Variants in AKT3 observed in about 807,000 individuals in gnomAD.
The protein encoded by AKT3 is AKT serine/threonine kinase 3.
AKT3 carries 15 observed loss-of-function variants against 65.3 expected under a neutral mutation model. The observed-to-expected ratio is 0.23, with a 90% confidence interval of 0.15 to 0.35. The LOEUF is 0.35. AKT3 is among the 10% of genes least tolerant of loss of function. AKT3 has a pLI of 1.00. For synonymous variants in AKT3, 206 were observed against 183.8 expected (o/e 1.12, Z -0.98); for missense variants, 243 against 576.5 (o/e 0.42, Z 5.92).
chr1:243,618,030 T>C (rs1678459858), intron 6 of AKT3, among the ~76,000 whole-genome samples: 1 of 152,176 alleles, frequency 6.6e-6, no homozygotes, highest in Non-Finnish European at 1.5e-5. Flanking sequence ...ATGTATGAAA[T>C]TTATTTAGAA....
intron 3 of AKT3, among the ~76,000 whole-genome samples, chr1:243,694,924 A>G (rs535009684): frequency 6.6e-6 from 1 of 151,996 alleles, no homozygotes; most frequent in South Asian, 2.1e-4. Flanking sequence ...GCGTAATTTA[A>G]AACACTTTAC....
chr1:243,757,674 G>A (rs1286232541), intron 2 of AKT3, among the ~76,000 whole-genome samples: 2 of 151,788 alleles, frequency 1.3e-5, no homozygotes, highest in African/African-American at 2.4e-5. Context: ...CTTTAAGTTT[G>A]AAATTATTTC....
intron 2 of AKT3, among the ~76,000 whole-genome samples, chr1:243,748,971 C>T (rs1688641557): frequency 6.6e-6 from 1 of 152,102 alleles, no homozygotes; most frequent in South Asian, 2.1e-4. Context: ...CAGGCCCTCA[C>T]ACACTGTTGC....
At chr1:243,767,314 T>A (rs1311365612) in intron 2 of AKT3, among the ~76,000 whole-genome samples, 2 of 152,128 alleles carry the variant, frequency 1.3e-5, no homozygotes, top group South Asian at 2.1e-4. Context: ...CCAGAAGGCA[T>A]AACAGAGTTA....
intron 3 of AKT3, among the ~76,000 whole-genome samples, chr1:243,665,404 A>C (rs898828596): frequency 6.6e-6 from 1 of 152,186 alleles, no homozygotes; most frequent in African/African-American, 2.4e-5. Context: ...AAAATGACAA[A>C]TATCACTTAT....
At chr1:243,814,354 A>G (rs1693377253) in intron 2 of AKT3, 1 of 151,390 alleles carries the variant, frequency 6.6e-6, no homozygotes, top group Non-Finnish European at 1.5e-5. Flanking sequence ...CTTTTACAAT[A>G]TAAATAAACT....
intron 3 of AKT3, among the ~76,000 whole-genome samples, chr1:243,692,278 C>T (rs1219812124): frequency 6.6e-6 from 1 of 152,080 alleles, no homozygotes; most frequent in Non-Finnish European, 1.5e-5. Flanking sequence ...GAGAGATGCC[C>T]ATACTATACC....
chr1:243,797,667 G>A (rs189517996), intron 2 of AKT3, among the ~76,000 whole-genome samples: 2 of 152,066 alleles, frequency 1.3e-5, no homozygotes, highest in African/African-American at 2.4e-5. Context: ...TTGATTGGAG[G>A]GTTAAACAGT....
At chr1:243,584,334 A>T (rs1266846588) in intron 8 of AKT3, among the ~76,000 whole-genome samples, 1 of 152,152 alleles carries the variant, frequency 6.6e-6, no homozygotes, top group Non-Finnish European at 1.5e-5. Flanking sequence ...AAACCTACCA[A>T]CCAAAAAAGT....
At chr1:243,689,608 T>G (rs181191555) in intron 3 of AKT3, among the ~76,000 whole-genome samples, 1 of 152,042 alleles carries the variant, frequency 6.6e-6, no homozygotes, top group African/African-American at 2.4e-5. Context: ...GTTAGTAGGT[T>G]TAAGTCCCAT....
chr1:243,786,545 T>C (rs1019839057), intron 2 of AKT3, among the ~76,000 whole-genome samples: 12 of 152,230 alleles, frequency 7.9e-5, no homozygotes, highest in Non-Finnish European at 1.5e-4. Context: ...TAATTCTGTT[T>C]ATACTTAAAT....
intron 13 of AKT3, among the ~76,000 whole-genome samples, chr1:243,493,908 A>C (rs1667183458): frequency 6.6e-6 from 1 of 151,868 alleles, no homozygotes; most frequent in Non-Finnish European, 1.5e-5. Context: ...GTTCTAGAAA[A>C]GTGACAGCTC....
In AKT3 at chr1:243,579,122, G is replaced by T. The variant is rs569004848; in HGVS notation, c.697-6074C>A. ...CAAGGGAGAAATCAACGATGTTGAG[G>T]TTTCTCTATGGCTGACTGAGTAGAT... On this transcript the variant is annotated intron_variant, in intron 8 of 13. Transcript: ENST00000673466. Among the ~76,000 whole-genome samples the T allele has an allele frequency of 5.3e-5, 8 of 152,296 alleles. No individual in the cohort carries two copies. The South Asian group carries it at 1.7e-3, about 32-fold the overall frequency.
At position 243,818,119 on chromosome 1, in the gene AKT3, A is replaced by C. The variant is rs1693637698; in HGVS notation, c.46+25006T>G. ...TGGATCACTCCCCTAACTTTCTAGA[A>C]AGTCAACCCCTGCTTAGTCTGCACT... On this transcript the variant is annotated intron_variant, in intron 2 of 13. Transcript: ENST00000673466. The C allele has an allele frequency of 1.3e-5, 2 of 152,232 alleles. 1 individual carries two copies. The highest frequency in any genetic ancestry group is 4.1e-4 in the South Asian group (2 of 4,834). The allele number at this position is 152,232 out of a possible 1,614,324, so 9.4% of individuals were successfully genotyped here.
chr1:243,770,734 G>GA (rs5782267), intron 2 of AKT3, among the ~76,000 whole-genome samples: 72,824 of 138,942 alleles, frequency 0.52, 20,709 homozygotes, highest in Non-Finnish European at 0.66. Flanking sequence ...ATTCTAAATA[G>GA]AAAAAAAAAA....
chr1:243,806,685 G>A lies in AKT3; in HGVS notation c.46+36440C>T, dbSNP rs1692748844. Among the ~76,000 whole-genome samples the A allele has an allele frequency of 2.0e-5, 3 of 152,026 alleles. No individual in the cohort carries two copies. The South Asian group carries it at 6.2e-4, about 32-fold the overall frequency. ...TAAATATCACATAGCTATTTGATGT[G>A]TCTCATTGTTAGGAGTTCTAAAACT... is the stretch of plus-strand genomic sequence containing the variant. On this transcript the variant is annotated intron_variant, in intron 2 of 13. Transcript: ENST00000673466.
chr1:243,779,635 T>A (rs1690779172), intron 2 of AKT3, among the ~76,000 whole-genome samples: 1 of 151,456 alleles, frequency 6.6e-6, no homozygotes. Context: ...ATAGAATGGA[T>A]CAGGACAGGA....
chr1:243,672,653 C>T (rs1024027560), intron 3 of AKT3, among the ~76,000 whole-genome samples: 1 of 152,230 alleles, frequency 6.6e-6, no homozygotes, highest in African/African-American at 2.4e-5. Flanking sequence ...TTGGAATTAA[C>T]ATGAAATACT....
At chr1:243,734,527 G>A (rs1410212984) in intron 2 of AKT3, among the ~76,000 whole-genome samples, 1 of 151,778 alleles carries the variant, frequency 6.6e-6, no homozygotes, top group East Asian at 1.9e-4. Flanking sequence ...CATAGAGAAG[G>A]TACAGTAAAA....
Sources: allele counts gnomAD v4.1 joint callset (sites outside exome capture counted in the v4.1 genomes callset), GRCh38; gene constraint gnomAD v4.1.1; transcripts MANE v1.5; gene names NCBI Gene and HGNC (gene_info 2026-07-23, HGNC 2026-07-21).